The following PTPRN2 variants were observed in gnomAD, a reference collection of about 807,000 sequenced individuals.
PTPRN2 encodes the protein receptor-type tyrosine-protein phosphatase N2.
In PTPRN2, 74 loss-of-function variants were observed where a neutral mutation model predicts 118.8. That is an observed-to-expected ratio of 0.62 (90% CI 0.52 to 0.76). PTPRN2 has a LOEUF of 0.76. Among genes scored for constraint, PTPRN2 ranks in the 30% least tolerant of loss-of-function variants. PTPRN2 has a pLI of 0.00. For missense variants in PTPRN2, 1,481 were observed against 1,394.4 expected (o/e 1.06, Z -0.99); for synonymous variants, 641 against 608.0 (o/e 1.05, Z -0.80).
In PTPRN2 at chr7:158,372,497, C is replaced by A. The variant is rs528965266; in HGVS notation, c.164-55565G>T. On this transcript the variant is annotated intron_variant, in intron 2 of 22. Transcript: ENST00000389418. ...CCCAATGCTGGTCCCCAGAGCTGGTCTCCCATGAGCTGGTACCCGGAGCTG... is the reference window on the plus strand; with the variant it reads ...CCCAATGCTGGTCCCCAGAGCTGGTATCCCATGAGCTGGTACCCGGAGCTG... Among the ~76,000 whole-genome samples the A allele has an allele frequency of 2.0e-5, 3 of 149,754 alleles. No individual in the cohort carries two copies. The South Asian group carries it at 6.5e-4, about 32-fold the overall frequency.
chr7:157,809,515 A>T lies in PTPRN2; in HGVS notation c.1788+89158T>A, dbSNP rs75180133. ...CCCCAAAAAGACACGTTCAACTCCT[A>T]ACACCAGCACAGTGAATGCCGCCTT... On this transcript the variant is annotated intron_variant, in intron 12 of 22. Transcript: ENST00000389418. Among the ~76,000 whole-genome samples the T allele has an allele frequency of 1.9e-3, 284 of 152,300 alleles. 3 individuals are homozygous for T. The highest frequency in any genetic ancestry group is 6.0e-3 in the African/African-American group (248 of 41,544).
chr7:157,943,999 G>A (rs1800306845), intron 11 of PTPRN2, among the ~76,000 whole-genome samples: 1 of 152,078 alleles, frequency 6.6e-6, no homozygotes, highest in South Asian at 2.1e-4. Flanking sequence ...TTCTTCCTCT[G>A]CCACTTTTCT....
chr7:157,883,040 T>C (rs1049048013), intron 12 of PTPRN2, among the ~76,000 whole-genome samples: 6 of 148,024 alleles, frequency 4.1e-5, no homozygotes, highest in Non-Finnish European at 7.4e-5. Context: ...AAAATGACTG[T>C]TGGAGATCAA....
At chr7:157,897,548 C>T (rs1046076076) in intron 12 of PTPRN2, among the ~76,000 whole-genome samples, 8 of 152,222 alleles carry the variant, frequency 5.3e-5, no homozygotes, top group Non-Finnish European at 1.2e-4. Flanking sequence ...CTGTCCGGGA[C>T]GTGCACGCCA....
chr7:157,938,056 T>C lies in PTPRN2; in HGVS notation c.1724-39319A>G, dbSNP rs185728388. Among the ~76,000 whole-genome samples, 22 of 152,328 alleles carry C rather than the reference T, an allele frequency of 1.4e-4. No homozygotes were observed. The East Asian group carries it at 3.9e-3, about 27-fold the overall frequency. On this transcript the variant is annotated intron_variant, in intron 11 of 22. Coordinates refer to ENST00000389418, the MANE Select transcript of PTPRN2 (RefSeq NM_002847.5). ...GTGGGGCCATCTAAGTATGTTTTTCTGCACAATGTGAACCCCGGCTGTTCA... is the reference window on the plus strand; with the variant it reads ...GTGGGGCCATCTAAGTATGTTTTTCCGCACAATGTGAACCCCGGCTGTTCA...
intron 13 of PTPRN2, among the ~76,000 whole-genome samples, chr7:157,677,806 G>A (rs1011283284): frequency 6.6e-6 from 1 of 152,170 alleles, no homozygotes; most frequent in Non-Finnish European, 1.5e-5. Flanking sequence ...AGAAACCATG[G>A]GATTTGGCAC....
intron 3 of PTPRN2, among the ~76,000 whole-genome samples, chr7:158,223,868 T>A (rs1473356417): frequency 1.3e-5 from 2 of 151,896 alleles, no homozygotes; most frequent in Admixed American, 1.3e-4. Flanking sequence ...AAGGAAGAAA[T>A]TAAACTGTAC....
intron 11 of PTPRN2, among the ~76,000 whole-genome samples, chr7:157,909,016 T>G (rs985934037): frequency 3.9e-5 from 6 of 152,162 alleles, no homozygotes; most frequent in African/African-American, 1.4e-4. Context: ...AATTAGTGAC[T>G]TCATGAAACA....
rs182643276 is a variant in PTPRN2 at position 157,915,745 on chromosome 7, T to C, written c.1724-17008A>G. Among the ~76,000 whole-genome samples, 1,037 of 152,318 alleles carry C rather than the reference T, an allele frequency of 6.8e-3. 16 individuals are homozygous for C. Among genetic ancestry groups the C allele is most frequent in the African/African-American group, 0.024 (986 of 41,576 alleles). ...AAGGCCAACATCAGTCATCCACTGATGTCCCCGGGTTCCTGCTCTCACTTG... is the reference window on the plus strand; with the variant it reads ...AAGGCCAACATCAGTCATCCACTGACGTCCCCGGGTTCCTGCTCTCACTTG... On this transcript the variant is annotated intron_variant, in intron 11 of 22. Transcript: ENST00000389418.
chr7:158,324,844 G>C (rs1303708660), intron 2 of PTPRN2, among the ~76,000 whole-genome samples: 1 of 152,104 alleles, frequency 6.6e-6, no homozygotes, highest in African/African-American at 2.4e-5. Context: ...TTGATACCCT[G>C]TGAGGAAAGT....
intron 1 of PTPRN2, among the ~76,000 whole-genome samples, chr7:158,584,925 G>C (rs1203920196): frequency 6.6e-6 from 1 of 152,226 alleles, no homozygotes. Flanking sequence ...CTACAAGGCT[G>C]TTTGACGTAA....
At chr7:158,528,996 C>T (rs545906283) in intron 1 of PTPRN2, among the ~76,000 whole-genome samples, 146 of 152,250 alleles carry the variant, frequency 9.6e-4, no homozygotes, top group African/African-American at 3.4e-3. Flanking sequence ...CGTGTGCTCA[C>T]GAAAGTCAGC....
At chr7:157,798,510 C>A (rs1444603687) in intron 12 of PTPRN2, among the ~76,000 whole-genome samples, 1 of 151,890 alleles carries the variant, frequency 6.6e-6, no homozygotes, top group East Asian at 1.9e-4. Context: ...CAGACACACA[C>A]GGACACACAC....
intron 5 of PTPRN2, among the ~76,000 whole-genome samples, chr7:158,189,166 T>C (rs1248056913): frequency 6.6e-6 from 1 of 152,202 alleles, no homozygotes; most frequent in African/African-American, 2.4e-5. Context: ...ACGGTTTGTT[T>C]CTAATGTGTG....
At chr7:158,087,322 G>T (rs750671402) in intron 10 of PTPRN2, among the ~76,000 whole-genome samples, 1 of 152,198 alleles carries the variant, frequency 6.6e-6, no homozygotes, top group Non-Finnish European at 1.5e-5. Flanking sequence ...ACCCTGGACC[G>T]TGCAGTGAAG....
chr7:158,327,066 TACATGCACACATTCTC>T (rs1314240022), intron 2 of PTPRN2, among the ~76,000 whole-genome samples: 1 of 143,820 alleles, frequency 7.0e-6, no homozygotes, highest in Non-Finnish European at 1.5e-5. Flanking sequence ...CATCTGCACA[TACATGCACACATTCTC>T]ACATGCACTC....
intron 12 of PTPRN2, among the ~76,000 whole-genome samples, chr7:157,840,280 T>C (rs560329989): frequency 7.6e-5 from 11 of 144,380 alleles, no homozygotes; most frequent in Non-Finnish European, 1.2e-4. Context: ...CGCGTGTGAC[T>C]GTGTGACCGT....
At chr7:157,847,852 T>A (rs988367746) in intron 12 of PTPRN2, among the ~76,000 whole-genome samples, 5 of 150,772 alleles carry the variant, frequency 3.3e-5, no homozygotes, top group African/African-American at 9.9e-5. Context: ...GTGCCCGATG[T>A]CTACAGAGCC....
intron 9 of PTPRN2, among the ~76,000 whole-genome samples, chr7:158,126,945 C>T (rs1468368484): frequency 6.6e-6 from 1 of 152,228 alleles, no homozygotes; most frequent in Non-Finnish European, 1.5e-5. Flanking sequence ...TGAACCCCCA[C>T]AGAGGTGAGC....
Sources: allele counts gnomAD v4.1 joint callset (sites outside exome capture counted in the v4.1 genomes callset), GRCh38; gene constraint gnomAD v4.1.1; transcripts MANE v1.5; gene names NCBI Gene and HGNC (gene_info 2026-07-23, HGNC 2026-07-21).